FAM135B: variants seen among roughly 807,000 people sequenced by gnomAD.
FAM135B encodes the protein protein FAM135B.
A neutral mutation model predicts 127.7 loss-of-function variants in FAM135B; 43 were observed. The observed-to-expected ratio is 0.34, with a 90% CI of 0.26 to 0.43. The LOEUF (loss-of-function observed/expected upper bound fraction) is 0.43, where lower values mean the gene tolerates loss of function less well. FAM135B is among the 20% of genes least tolerant of loss of function. The pLI, the probability that FAM135B is intolerant of heterozygous loss-of-function variation, is 1.00. For missense variants in FAM135B, 1,558 were observed against 1,725.6 expected, an observed-to-expected ratio of 0.90 and a Z score of 1.72; for synonymous variants, 670 against 665.1, an observed-to-expected ratio of 1.01 and a Z score of -0.11.
At chr8:138,481,130 C>T (rs141273052) in intron 1 of FAM135B, among the ~76,000 whole-genome samples, 27 of 152,256 alleles carry the variant, frequency 1.8e-4, no homozygotes, top group African/African-American at 2.6e-4. Flanking sequence ...CAACAGCATC[C>T]GCAGCACACA....
Position 138,227,069 on chromosome 8 carries a change from C to T in FAM135B, c.669+15873G>A, listed in dbSNP as rs79325933. ...CCATGACAAACTGTCCTGCCTTCAG[C>T]AGGAAAGATATGTTCTTTTCCATGT... On this transcript the variant is annotated intron_variant, in intron 7 of 19. Transcript: ENST00000395297. 9.1e-4 allele frequency among the ~76,000 whole-genome samples: 138 copies of T among 152,296 alleles called. 1 individual carries two copies. The East Asian group carries it at 0.016, about 18-fold the overall frequency.
rs574391659 is a variant in FAM135B, at chr8:138,275,622, G to A, written c.158-9780C>T. 7.9e-5 allele frequency among the ~76,000 whole-genome samples: 12 copies of A among 152,170 alleles called. No individual in the cohort carries two copies. In the East Asian group the frequency reaches 1.5e-3, roughly 20 times the overall value. ...AGGTTGGAAGATCTCTTGAGCCCAG[G>A]AATTCGAGGCTGCAGTGAGCCATGA... On this transcript the variant is annotated intron_variant, in intron 3 of 19. Coordinates refer to ENST00000395297, the MANE Select transcript of FAM135B (RefSeq NM_015912.4).
chr8:138,333,493 G>A (rs111666939), intron 2 of FAM135B, among the ~76,000 whole-genome samples: 30 of 152,060 alleles, frequency 2.0e-4, no homozygotes, highest in Non-Finnish European at 4.0e-4. Flanking sequence ...CTTCCCTGAC[G>A]TCCAGCAGAA....
intron 1 of FAM135B, among the ~76,000 whole-genome samples, chr8:138,494,808 T>C (rs1476808926): frequency 6.6e-6 from 1 of 150,476 alleles, no homozygotes; most frequent in Non-Finnish European, 1.5e-5. Context: ...AATGAGTCCC[T>C]ACTCTGTCTA....
chr8:138,404,238 T>C (rs920776007), intron 1 of FAM135B, among the ~76,000 whole-genome samples: 1 of 152,192 alleles, frequency 6.6e-6, no homozygotes, highest in Admixed American at 6.5e-5. Context: ...CGCACTATAA[T>C]GTAGTCTATT....
At chr8:138,180,436 T>A (rs79345080) in intron 9 of FAM135B, among the ~76,000 whole-genome samples, 2 of 152,208 alleles carry the variant, frequency 1.3e-5, no homozygotes, top group African/African-American at 4.8e-5. Context: ...ATCCCATTCC[T>A]TTCTCTTCGT....
At chr8:138,195,365 G>T in intron 8 of FAM135B, 58 bp from the exon 9 acceptor site, 2 of 1,552,252 alleles carry the variant, frequency 1.3e-6, no homozygotes, top group Non-Finnish European at 1.8e-6. Flanking sequence ...TGCAGCAGTT[G>T]CTAATTAAAT....
At chr8:138,469,428 C>T (rs11166825) in intron 1 of FAM135B, among the ~76,000 whole-genome samples, 69,115 of 151,826 alleles carry the variant, frequency 0.46, 17,146 homozygotes, top group East Asian at 0.84. Flanking sequence ...TGACAACTAA[C>T]TTAATATAAA....
chr8:138,379,662 G>C, intron 1 of FAM135B, among the ~76,000 whole-genome samples: 1 of 152,122 alleles, frequency 6.6e-6, no homozygotes, highest in Non-Finnish European at 1.5e-5. Flanking sequence ...CAACAAGGCT[G>C]GTTCAGATGT....
At chr8:138,222,511 A>C (rs1281249246) in intron 7 of FAM135B, among the ~76,000 whole-genome samples, 1 of 152,120 alleles carries the variant, frequency 6.6e-6, no homozygotes, top group Non-Finnish European at 1.5e-5. Flanking sequence ...GGGTGGCCCA[A>C]AGTTACTGAA....
At chr8:138,287,620 A>G (rs1824797591) in intron 3 of FAM135B, among the ~76,000 whole-genome samples, 1 of 152,152 alleles carries the variant, frequency 6.6e-6, no homozygotes, top group Admixed American at 6.5e-5. Context: ...AGGCTAGGAC[A>G]TGTTTAACAA....
intron 3 of FAM135B, among the ~76,000 whole-genome samples, chr8:138,276,557 G>C (rs17664379): frequency 0.19 from 28,615 of 152,042 alleles, 2,816 homozygotes; most frequent in South Asian, 0.23. Context: ...CAGAGGCTAA[G>C]ATAAGCCCAG....
At chr8:138,402,441 T>C (rs1317503512) in intron 1 of FAM135B, among the ~76,000 whole-genome samples, 1 of 152,150 alleles carries the variant, frequency 6.6e-6, no homozygotes, top group African/African-American at 2.4e-5. Context: ...CTGTTTACTG[T>C]AGCTCACCTC....
chr8:138,488,509 G>A (rs545851128), intron 1 of FAM135B, among the ~76,000 whole-genome samples: 2 of 152,092 alleles, frequency 1.3e-5, no homozygotes, highest in South Asian at 4.1e-4. Flanking sequence ...ACTACAAAGA[G>A]GGGACTTAGG....
At chr8:138,416,429 T>TA (rs1192491234) in intron 1 of FAM135B, among the ~76,000 whole-genome samples, 1 of 152,202 alleles carries the variant, frequency 6.6e-6, no homozygotes, top group Admixed American at 6.5e-5. Flanking sequence ...TCATCCAGTC[T>TA]AATACAGCTG....
At chr8:138,308,481 C>T (rs1274676594) in intron 3 of FAM135B, among the ~76,000 whole-genome samples, 1 of 152,202 alleles carries the variant, frequency 6.6e-6, no homozygotes, top group Non-Finnish European at 1.5e-5. Context: ...AAATTCTGCA[C>T]ATCCCTCACC....
intron 7 of FAM135B, among the ~76,000 whole-genome samples, chr8:138,231,443 T>C (rs1210557784): frequency 6.6e-6 from 1 of 152,166 alleles, no homozygotes; most frequent in Non-Finnish European, 1.5e-5. Context: ...GTCCACATCA[T>C]ATCAGTGCAA....
At chr8:138,361,914 G>T (rs1830445502) in intron 2 of FAM135B, among the ~76,000 whole-genome samples, 1 of 152,072 alleles carries the variant, frequency 6.6e-6, no homozygotes, top group African/African-American at 2.4e-5. Context: ...TCCCCAGTCT[G>T]TCTCAGTGAC....
intron 3 of FAM135B, among the ~76,000 whole-genome samples, chr8:138,290,354 A>G (rs1429041230): frequency 1.3e-5 from 2 of 152,208 alleles, no homozygotes; most frequent in African/African-American, 4.8e-5. Context: ...TCCATGCCTT[A>G]GCCATGTCAC....
Sources: allele counts gnomAD v4.1 joint callset (sites outside exome capture counted in the v4.1 genomes callset), GRCh38; gene constraint gnomAD v4.1.1; transcripts MANE v1.5; gene names NCBI Gene and HGNC (gene_info 2026-07-23, HGNC 2026-07-21).